Variants in MALRD1 observed in about 807,000 individuals in gnomAD.
MALRD1 encodes MAM and LDL receptor class A domain containing 1, also known as MAM and LDL-receptor class A domain-containing protein 1.
MALRD1 carries 247 observed loss-of-function variants against 242.1 expected under a neutral mutation model. The ratio of observed to expected loss-of-function variants is 1.02; its 90% CI spans 0.92 to 1.13. The LOEUF (loss-of-function observed/expected upper bound fraction) is 1.13. MALRD1 is among the 50% of genes most tolerant of loss of function. The pLI is 0.00. For synonymous variants in MALRD1, 995 were observed against 866.6 expected, an observed-to-expected ratio of 1.15 and a Z score of -2.60; for missense variants, 2,989 against 2,533.1, an observed-to-expected ratio of 1.18 and a Z score of -3.86.
chr10:19,719,115 G>A (rs1834567313), intron 38 of MALRD1, among the ~76,000 whole-genome samples: 1 of 147,308 alleles, frequency 6.8e-6, no homozygotes, highest in Non-Finnish European at 1.5e-5. Flanking sequence ...TCCCACGACT[G>A]CACTCCAACC....
rs561931425 is a variant in MALRD1, at chr10:19,734,062, A to T, written c.6391-95A>T. 108 of 935,588 alleles carry T rather than the reference A, an allele frequency of 1.2e-4. No homozygotes were observed. In the South Asian group the frequency reaches 1.7e-3, roughly 15 times the overall value. 58.0% of individuals were successfully genotyped at this position (935,588 alleles called of 1,614,324 possible). On this transcript the variant is annotated intron_variant, in intron 39 of 39. Transcript: ENST00000454679. ...CTAGTTATTACTCCAGTGAAAATCCATTGGGACCTTTGCTGCATTCTGCGT... is the reference window on the plus strand; with the variant it reads ...CTAGTTATTACTCCAGTGAAAATCCTTTGGGACCTTTGCTGCATTCTGCGT...
intron 28 of MALRD1, among the ~76,000 whole-genome samples, chr10:19,446,603 A>G (rs1354042797): frequency 6.6e-6 from 1 of 152,176 alleles, no homozygotes; most frequent in Non-Finnish European, 1.5e-5. Context: ...CCCATAAAGG[A>G]AAGACTGGCA....
At chr10:19,586,465 G>A (rs1002789722) in intron 33 of MALRD1, among the ~76,000 whole-genome samples, 2 of 152,052 alleles carry the variant, frequency 1.3e-5, no homozygotes, top group Non-Finnish European at 2.9e-5. Context: ...TCAGCTGCAG[G>A]TCTGTTGGAG....
At chr10:19,353,068 A>G (rs1319789140) in intron 26 of MALRD1, among the ~76,000 whole-genome samples, 1 of 151,928 alleles carries the variant, frequency 6.6e-6, no homozygotes, top group Non-Finnish European at 1.5e-5. Context: ...GTGCAGTGGT[A>G]CAATCTAAGT....
chr10:19,179,031 A>G (rs868541814), intron 14 of MALRD1, among the ~76,000 whole-genome samples: 15 of 152,232 alleles, frequency 9.9e-5, no homozygotes, highest in Non-Finnish European at 1.8e-4. Context: ...ACGTCCTGCT[A>G]ACTTTCAGTT....
At chr10:19,068,979 T>G (rs1053332123) in intron 2 of MALRD1, among the ~76,000 whole-genome samples, 1 of 152,070 alleles carries the variant, frequency 6.6e-6, no homozygotes, top group Non-Finnish European at 1.5e-5. Flanking sequence ...TAACATTGCA[T>G]ATAGATAAAA....
At chr10:19,112,084 G>A (rs937734196) in intron 5 of MALRD1, among the ~76,000 whole-genome samples, 1 of 151,846 alleles carries the variant, frequency 6.6e-6, no homozygotes, top group East Asian at 1.9e-4. Context: ...TTGATTCTGG[G>A]CTTCACTCCA....
intron 29 of MALRD1, among the ~76,000 whole-genome samples, chr10:19,454,425 T>TATATATATATATATATATATATAA (rs1564356601): frequency 2.9e-5 from 4 of 139,948 alleles, no homozygotes; most frequent in African/African-American, 7.9e-5. Context: ...TATATATATA[T>TATATATATATATATATATATATAA]ATATATAATT....
chr10:19,198,319 C>T (rs1287013879), intron 14 of MALRD1, among the ~76,000 whole-genome samples: 1 of 152,174 alleles, frequency 6.6e-6, no homozygotes, highest in African/African-American at 2.4e-5. Flanking sequence ...TCTTGCTCTC[C>T]ATGTCCCCTG....
At chr10:19,453,562 C>G (rs1051149140) in intron 29 of MALRD1, among the ~76,000 whole-genome samples, 1 of 152,128 alleles carries the variant, frequency 6.6e-6, no homozygotes, top group Admixed American at 6.6e-5. Context: ...ATCTGGGCAA[C>G]ATAGTGAAAC....
chr10:19,696,945 A>G (rs552721902), intron 38 of MALRD1, among the ~76,000 whole-genome samples: 1 of 152,208 alleles, frequency 6.6e-6, no homozygotes, highest in African/African-American at 2.4e-5. Context: ...TTCATTAGTA[A>G]TTCTTTAATT....
At chr10:19,291,669 G>T (rs976813884) in intron 21 of MALRD1, among the ~76,000 whole-genome samples, 2 of 152,110 alleles carry the variant, frequency 1.3e-5, no homozygotes, top group South Asian at 4.2e-4. Context: ...CTAAAAGAGG[G>T]TCGCTTTCTC....
intron 2 of MALRD1, among the ~76,000 whole-genome samples, chr10:19,070,636 C>T (rs1318714540): frequency 2.0e-5 from 3 of 151,932 alleles, no homozygotes; most frequent in South Asian, 2.1e-4. Flanking sequence ...AAAATCCTTG[C>T]GTGCATCATC....
intron 33 of MALRD1, among the ~76,000 whole-genome samples, chr10:19,580,679 C>A (rs1837072935): frequency 6.6e-6 from 1 of 152,118 alleles, no homozygotes; most frequent in Non-Finnish European, 1.5e-5. Flanking sequence ...TTTTATTTAG[C>A]TTTGGCCTCG....
intron 2 of MALRD1, among the ~76,000 whole-genome samples, chr10:19,076,663 A>G (rs1835328866): frequency 1.3e-5 from 2 of 152,006 alleles, no homozygotes; most frequent in Admixed American, 1.3e-4. Context: ...TGACAGTACC[A>G]CACTATCTTC....
intron 21 of MALRD1, among the ~76,000 whole-genome samples, chr10:19,296,373 G>A (rs1246502175): frequency 6.6e-6 from 1 of 151,956 alleles, no homozygotes; most frequent in African/African-American, 2.4e-5. Context: ...TATTTGGCAA[G>A]TTGATAGTCT....
chr10:19,560,029 C>G (rs1289735553), intron 32 of MALRD1, among the ~76,000 whole-genome samples: 1 of 152,204 alleles, frequency 6.6e-6, no homozygotes, highest in Admixed American at 6.5e-5. Context: ...AATGCTTTCA[C>G]ACTGTTGTTA....
chr10:19,390,573 T>C (rs1042013834), intron 28 of MALRD1, among the ~76,000 whole-genome samples: 1 of 152,052 alleles, frequency 6.6e-6, no homozygotes, highest in Non-Finnish European at 1.5e-5. Context: ...CGAAAGGAGA[T>C]GTATATGTGC....
At chr10:19,710,657 T>A (rs1834065037) in intron 38 of MALRD1, 1 of 152,238 alleles carries the variant, frequency 6.6e-6, no homozygotes, top group Non-Finnish European at 1.5e-5. Context: ...ATATGAAGAC[T>A]ACTTTACTGT....
Sources: allele counts gnomAD v4.1 joint callset (sites outside exome capture counted in the v4.1 genomes callset), GRCh38; gene constraint gnomAD v4.1.1; transcripts MANE v1.5; gene names NCBI Gene and HGNC (gene_info 2026-07-23, HGNC 2026-07-21).